The following AGAP2 variants were observed in gnomAD, a reference collection of about 807,000 sequenced individuals.
AGAP2 encodes arf-GAP with GTPase, ANK repeat and PH domain-containing protein 2.
A neutral mutation model predicts 110.9 loss-of-function variants in AGAP2; 32 were observed. That is an observed-to-expected ratio of 0.29 (90% CI 0.22 to 0.39). AGAP2 has a LOEUF of 0.39. Ranked by LOEUF, AGAP2 falls within the 10% of genes least tolerant of loss-of-function variation. The pLI is 1.00. For missense variants in AGAP2, 1,285 were observed against 1,638.5 expected, an observed-to-expected ratio of 0.78 and a Z score of 3.72; for synonymous variants, 702 against 713.0, an observed-to-expected ratio of 0.98 and a Z score of 0.25.
chr12:57,730,852 G>A lies in AGAP2; in HGVS notation c.2247C>T (p.Pro749=). ...TGACGAGCCCGTTAATGCTGGCTGA[G>A]GGGCCAAAGGCAGAGATGGCCCTCG... is the stretch of plus-strand genomic sequence containing the variant. ...RPPRAISAFG[P]SASINGLVKD... Residue 749 remains proline (P), a synonymous_variant, in exon 11 of 19, where the codon CCC becomes CCT. Coordinates refer to ENST00000547588, the MANE Select transcript of AGAP2 (RefSeq NM_001122772.3). 1 of 1,613,802 alleles carries A rather than the reference G, an allele frequency of 6.2e-7. No homozygotes were observed. Among genetic ancestry groups the A allele is most frequent in the African/African-American group, 1.3e-5 (1 of 75,064 alleles).
chr12:57,732,535 G>T, intron 6 of AGAP2, 23 bp from the exon 7 acceptor site: 1 of 1,564,094 alleles, frequency 6.4e-7, no homozygotes, highest in Non-Finnish European at 8.7e-7. Flanking sequence ...GACGGAAGGA[G>T]GTGTGAGCAG....
At chr12:57,733,497 G>T (rs1001087943) in intron 5 of AGAP2, among the ~76,000 whole-genome samples, 1 of 152,124 alleles carries the variant, frequency 6.6e-6, no homozygotes, top group Non-Finnish European at 1.5e-5. Flanking sequence ...GGGGAGTGCT[G>T]GAAAAGCATT....
rs1954883746 is a variant in AGAP2, at chr12:57,731,499, A to C, written c.2041-29T>G. 9 of 1,612,666 alleles carry C rather than the reference A, an allele frequency of 5.6e-6. No individual in the cohort carries two copies. The African/African-American group carries it at 8.1e-5, about 15-fold the overall frequency. ...GAGAAAGGGGAAAGACACATGTGGG[A>C]AAAAAGCCAACTAAGACCAGCTGCC... On this transcript the variant is annotated intron_variant, in intron 9 of 18. Coordinates refer to ENST00000547588, the MANE Select transcript of AGAP2 (RefSeq NM_001122772.3).
At chr12:57,733,068 A>G in intron 5 of AGAP2, 89 bp from the exon 6 acceptor site, 2 of 1,549,076 alleles carry the variant, frequency 1.3e-6, no homozygotes, top group Admixed American at 1.7e-5. Context: ...CTGGGCCCTC[A>G]GGCTGGGTCC....
At position 57,734,006 on chromosome 12, in the gene AGAP2, C is replaced by G. The variant is rs1026036048; in HGVS notation, c.1549+20G>C. On this transcript the variant is annotated intron_variant, in intron 5 of 18. Coordinates refer to ENST00000547588, the MANE Select transcript of AGAP2 (RefSeq NM_001122772.3). ...CTTAGGGCCTCCCTTGAAAGCAGTG[C>G]TTTCCTAACCCCTCCTTACCTTGTG... 4 of 1,546,268 alleles carry G rather than the reference C, an allele frequency of 2.6e-6. No individual in the cohort carries two copies. Among genetic ancestry groups the G allele is most frequent in the Middle Eastern group, 1.9e-4 (1 of 5,302 alleles).
At position 57,726,942 on chromosome 12, in the gene AGAP2, A is replaced by G; in HGVS notation, c.3336+32T>C. The G allele has an allele frequency of 6.6e-7, 1 of 1,510,674 alleles. No homozygotes were observed. The highest frequency in any genetic ancestry group is 8.8e-7 in the Non-Finnish European group (1 of 1,134,214). 93.6% of individuals were successfully genotyped at this position (1,510,674 alleles called of 1,614,324 possible). A position where few individuals can be genotyped will look rare whatever the true frequency, so the allele number is the denominator to read the frequency against. ...AGGCGTTTTCCGAGATGAAGCCTCA[A>G]AGACCCCCTTTCCTCCCCCCAGCTC... On this transcript the variant is annotated intron_variant, in intron 18 of 18. Coordinates refer to ENST00000547588, the MANE Select transcript of AGAP2 (RefSeq NM_001122772.3). This position sits in a 1 kb window ranked among gnomAD's most constrained non-coding sequence, Gnocchi z 5.7.
At position 57,726,802 on chromosome 12, in the gene AGAP2, G is replaced by A. The variant is rs1198515129; in HGVS notation, c.3337-8C>T. 5 of 1,426,092 alleles carry A rather than the reference G, an allele frequency of 3.5e-6. No homozygotes were observed. The highest frequency in any genetic ancestry group is 2.6e-5 in the East Asian group (1 of 39,004). The allele number at this position is 1,426,092 out of a possible 1,614,324, so 88.3% of individuals were successfully genotyped here. ...CGCCACGTCCGCGCCGTACTAGAGGGCGGAAACGGCCGCGTGACCGCGCGT... is the reference window on the plus strand; with the variant it reads ...CGCCACGTCCGCGCCGTACTAGAGGACGGAAACGGCCGCGTGACCGCGCGT... On this transcript the variant is annotated splice_polypyrimidine_tract_variant and splice_region_variant and intron_variant, in intron 18 of 18. Transcript: ENST00000547588. The surrounding 1 kb of genome is among the most constrained non-coding windows in gnomAD (Gnocchi z 5.7).
chr12:57,737,903 C>G lies in AGAP2; in HGVS notation c.344G>C (p.Trp115Ser). 7.2e-7 allele frequency: 1 copy of G among 1,396,768 alleles called. No homozygotes were observed. Among genetic ancestry groups the G allele is most frequent in the Non-Finnish European group, 9.2e-7 (1 of 1,087,382 alleles). 86.5% of individuals were successfully genotyped at this position (1,396,768 alleles called of 1,614,324 possible). Reference sequence around the variant, plus strand: ...GAGCGGGGGTCCCGGAGGGACGGCCCAGAGGGAGAGGCGGCGGCCGGGAGC... The same window carrying G: ...GAGCGGGGGTCCCGGAGGGACGGCCGAGAGGGAGAGGCGGCGGCCGGGAGC... ...SPAPGRRLSL[W>S]AVPPGPPLSG... The change falls in exon 1 of 19, where the codon TGG (tryptophan) becomes TCG (serine). Residue 115 changes from tryptophan to serine, a missense_variant. Trp to Ser is a radical substitution (Grantham distance 177, BLOSUM62 -3). Transcript: ENST00000547588. This position sits in a 1 kb window ranked among gnomAD's most constrained non-coding sequence, Gnocchi z 5.9.
chr12:57,737,775 G>A lies in AGAP2; in HGVS notation c.472C>T (p.Arg158Trp). The A allele has an allele frequency of 6.5e-7, 1 of 1,531,908 alleles. No individual in the cohort carries two copies. 94.9% of individuals were successfully genotyped at this position (1,531,908 alleles called of 1,614,324 possible). Residue 158 changes from arginine to tryptophan, a missense_variant, in exon 1 of 19, where the codon CGG becomes TGG. Physicochemically the swap from Arg to Trp is moderately radical, Grantham distance 101 (BLOSUM62 -3). Coordinates refer to ENST00000547588, the MANE Select transcript of AGAP2 (RefSeq NM_001122772.3). The surrounding 1 kb of genome is among the most constrained non-coding windows in gnomAD (Gnocchi z 5.9). ...GAGCCAGGGATGCCGCCGCCCGCCCGGCCTTCGGGCTCCGGGCCGCCCCAG... is the reference window on the plus strand; with the variant it reads ...GAGCCAGGGATGCCGCCGCCCGCCCAGCCTTCGGGCTCCGGGCCGCCCCAG... Reference protein sequence around the residue: ...PSWGGPEPEGRAGGGIPGSSS... With the variant: ...PSWGGPEPEGWAGGGIPGSSS...
At chr12:57,732,647 TG>T in intron 6 of AGAP2, 135 bp from the exon 7 acceptor site, 1 of 1,290,774 alleles carries the variant, frequency 7.7e-7, no homozygotes, top group Non-Finnish European at 1.1e-6. Context: ...ATGCCACCTG[TG>T]GCCTTGCCAG....
At chr12:57,739,056 A>G (rs953068702), upstream of AGAP2, among the ~76,000 whole-genome samples, 7 of 137,702 alleles carry the variant, frequency 5.1e-5, no homozygotes, top group Non-Finnish European at 1.1e-4. Context: ...TGCAAAATCC[A>G]GGGCTGGATT....
At chr12:57,727,289 C>A (rs771921577) in intron 17 of AGAP2, 60 bp from the exon 18 acceptor site, 1 of 1,611,078 alleles carries the variant, frequency 6.2e-7, no homozygotes, top group East Asian at 2.2e-5. Flanking sequence ...ACTTCTGCCC[C>A]TACCCACGGG....
At chr12:57,735,795 C>T (rs541064696) in intron 1 of AGAP2, among the ~76,000 whole-genome samples, 1 of 152,320 alleles carries the variant, frequency 6.6e-6, no homozygotes, top group South Asian at 2.1e-4. Context: ...TCCTCCCTAA[C>T]CCACTGGTTC....
intron 13 of AGAP2, among the ~76,000 whole-genome samples, chr12:57,729,201 A>G (rs938343879): frequency 1.0e-4 from 15 of 150,416 alleles, no homozygotes; most frequent in African/African-American, 3.7e-4. Flanking sequence ...AAAGAAAAGA[A>G]AAAAAAAAGA....
chr12:57,731,729 C>A (rs1180943316), intron 8 of AGAP2, 80 bp downstream of exon 8: 2 of 1,592,530 alleles, frequency 1.3e-6, no homozygotes, highest in Admixed American at 1.8e-5. Flanking sequence ...AAGGGCCCAA[C>A]AGAGGAGTCT....
intron 13 of AGAP2, among the ~76,000 whole-genome samples, chr12:57,729,007 C>A (rs1271771853): frequency 1.3e-5 from 2 of 151,688 alleles, no homozygotes; most frequent in Admixed American, 1.3e-4. Flanking sequence ...AACCCAGTCT[C>A]TACTAAAAAA....
Position 57,738,397 on chromosome 12 carries a change from C to G in AGAP2, c.-151G>C. 4.8e-6 allele frequency: 4 copies of G among 828,070 alleles called. No individual in the cohort carries two copies. The highest frequency in any genetic ancestry group is 5.8e-6 in the Non-Finnish European group (4 of 686,278). The allele number at this position is 828,070 out of a possible 1,614,324, so 51.3% of individuals were successfully genotyped here. On this transcript the variant is annotated 5_prime_UTR_variant, in exon 1 of 19. Coordinates refer to ENST00000547588, the MANE Select transcript of AGAP2 (RefSeq NM_001122772.3). This position sits in a 1 kb window ranked among gnomAD's most constrained non-coding sequence, Gnocchi z 6.7. ...GCTCCGCTGTCGCCGCCGCCTCCGC[C>G]GCCTCCGCTTGCGCCCCCCTCCCAT... is the stretch of plus-strand genomic sequence containing the variant.
rs1299922062 is a variant in AGAP2 at position 57,734,765 on chromosome 12, G to C, written c.1228-86C>G. On this transcript the variant is annotated intron_variant, in intron 2 of 18. Transcript: ENST00000547588. ...CTGGACACTCCAGAAAACCCAGAGA[G>C]ATAAGTCATCCAAGCAGGACCCTAC... is the stretch of plus-strand genomic sequence containing the variant. 6.3e-6 allele frequency: 8 copies of C among 1,267,126 alleles called. No homozygotes were observed. The East Asian group carries it at 1.9e-4, about 29-fold the overall frequency. The allele number at this position is 1,267,126 out of a possible 1,614,324, so 78.5% of individuals were successfully genotyped here. A position where few individuals can be genotyped will look rare whatever the true frequency, so the allele number is the denominator to read the frequency against.
Position 57,726,581 on chromosome 12 carries a change from G to C in AGAP2, c.3550C>G (p.Arg1184Gly), listed in dbSNP as rs1954766595. The C allele has an allele frequency of 8.3e-7, 1 of 1,207,368 alleles. No homozygotes were observed. The highest frequency in any genetic ancestry group is 1.0e-6 in the Non-Finnish European group (1 of 971,624). The allele number at this position is 1,207,368 out of a possible 1,614,324, so 74.8% of individuals were successfully genotyped here. A position where few individuals can be genotyped will look rare whatever the true frequency, so the allele number is the denominator to read the frequency against. The change falls in exon 19 of 19, where the codon CGC becomes GGC. Residue 1184 changes from arginine to glycine, a missense_variant. Physicochemically the swap from Arg to Gly is moderately radical, Grantham distance 125 (BLOSUM62 -2). Around this residue, in one of 7 missense-constraint regions of AGAP2, gnomAD observed 201 missense variants for 276.1 expected, o/e 0.73. Transcript: ENST00000547588. The surrounding 1 kb of genome is among the most constrained non-coding windows in gnomAD (Gnocchi z 5.7). ...ACCAGCGCAACCGGGGCGTCGGCGC[G>C]GCCCACGCTAGCGGCGCTGCTCCGG... ...RRRSSAASVG[R>G]ADAPVALV is the part of the protein sequence containing the mutation.
Sources: gnomAD v4.1 joint callset for allele counts (sites outside exome capture counted in the v4.1 genomes callset) on GRCh38, gnomAD v4.1.1 for gene constraint, gnomAD v4.1.1 regional missense constraint, Gnocchi (gnomAD v3.1) non-coding constraint, MANE v1.5 for transcripts, NCBI Gene and HGNC (gene_info 2026-07-23, HGNC 2026-07-21) for gene names.